The following CD48 variants were observed in gnomAD, a reference collection of about 807,000 sequenced individuals.
The protein encoded by CD48 is CD48 molecule.
A neutral mutation model predicts 22.0 loss-of-function variants in CD48; 20 were observed. The ratio of observed to expected loss-of-function variants is 0.91; its 90% CI spans 0.64 to 1.32. CD48 has a LOEUF of 1.32. CD48 is among the 40% of genes most tolerant of loss of function. The probability of loss-of-function intolerance (pLI) is 0.00; values close to 1 mark genes in which losing one functional copy is unlikely to be tolerated. For missense variants in CD48, 307 were observed against 286.5 expected (o/e 1.07, Z -0.52); for synonymous variants, 110 against 110.1 (o/e 1.00, Z 0.01).
At chr1:160,709,564 G>C (rs1187030976) in intron 1 of CD48, among the ~76,000 whole-genome samples, 2 of 152,122 alleles carry the variant, frequency 1.3e-5, no homozygotes, top group East Asian at 3.8e-4. Context: ...GGACAGATGG[G>C]GAATTGGGTA....
chr1:160,678,993 A>G lies in CD48; in HGVS notation c.*59T>C. On this transcript the variant is annotated 3_prime_UTR_variant, in exon 4 of 4. Transcript: ENST00000368046. ...AGTCTCTGTCCTGGTGAGGAGCATG[A>G]TCACCAACAGGCAAGATCTTCTGGC... 2 of 1,262,734 alleles carry G rather than the reference A, an allele frequency of 1.6e-6. No individual in the cohort carries two copies. The highest frequency in any genetic ancestry group is 2.3e-6 in the Non-Finnish European group (2 of 859,544). 78.2% of individuals were successfully genotyped at this position (1,262,734 alleles called of 1,614,324 possible).
chr1:160,696,310 G>A (rs1452239837), intron 1 of CD48, among the ~76,000 whole-genome samples: 1 of 152,302 alleles, frequency 6.6e-6, no homozygotes, highest in African/African-American at 2.4e-5. Context: ...TGTTGAGACA[G>A]CTCTAATTAA....
intron 1 of CD48, among the ~76,000 whole-genome samples, chr1:160,711,011 G>A (rs1390279182): frequency 6.6e-6 from 1 of 152,178 alleles, no homozygotes; most frequent in Non-Finnish European, 1.5e-5. Flanking sequence ...AGAGGGTGAG[G>A]CAGCTCTAAC....
intron 2 of CD48, chr1:160,684,455 G>T: frequency 1.8e-5 from 6 of 327,070 alleles, no homozygotes; most frequent in African/African-American, 4.3e-5. Context: ...AAGTTTTTTT[G>T]TCCTGCCCAT....
At chr1:160,691,450 G>A (rs1429925557) in intron 1 of CD48, among the ~76,000 whole-genome samples, 1 of 152,198 alleles carries the variant, frequency 6.6e-6, no homozygotes, top group African/African-American at 2.4e-5. Context: ...TAAAAGCACA[G>A]CATTTAATCC....
chr1:160,680,996 C>A (rs1661773034), intron 3 of CD48: 4 of 1,349,300 alleles, frequency 3.0e-6, no homozygotes, highest in African/African-American at 5.1e-5. Flanking sequence ...CAGGTGAGAA[C>A]ACTGAGCCCC....
intron 1 of CD48, among the ~76,000 whole-genome samples, chr1:160,696,199 C>G (rs1245181422): frequency 1.3e-5 from 2 of 152,310 alleles, no homozygotes; most frequent in Non-Finnish European, 2.9e-5. Context: ...TCAATCGGCT[C>G]AAAGAGCAGA....
chr1:160,684,881 A>C lies in CD48; in HGVS notation c.385+6T>G. On this transcript the variant is annotated splice_donor_region_variant and intron_variant, in intron 2 of 3. Coordinates refer to ENST00000368046, the MANE Select transcript of CD48 (RefSeq NM_001778.4). ...GGGGATTTGCTCTTTGGCTCCCCTG[A>C]CTCACCAAGCACTTGCAGCTTGATC... The C allele has an allele frequency of 1.2e-6, 2 of 1,613,880 alleles. 1 individual carries two copies. Among genetic ancestry groups the C allele is most frequent in the South Asian group, 2.2e-5 (2 of 91,056 alleles).
intron 1 of CD48, among the ~76,000 whole-genome samples, chr1:160,701,965 C>T (rs1334972583): frequency 6.6e-6 from 1 of 152,098 alleles, no homozygotes; most frequent in Non-Finnish European, 1.5e-5. Context: ...GCCTTTTCAC[C>T]GCCGGAGCCT....
intron 1 of CD48, among the ~76,000 whole-genome samples, chr1:160,685,913 A>G (rs1315043020): frequency 6.6e-6 from 1 of 152,214 alleles, no homozygotes; most frequent in Admixed American, 6.5e-5. Flanking sequence ...GAGAAATATG[A>G]TTGGACAAAA....
intron 3 of CD48, 128 bp downstream of exon 3, chr1:160,681,074 T>A (rs1200710069): frequency 2.0e-6 from 3 of 1,536,172 alleles, no homozygotes; most frequent in South Asian, 2.4e-5. Flanking sequence ...GTCTCCCAGC[T>A]CTCCCAGACA....
chr1:160,690,172 C>A (rs1016219859), intron 1 of CD48, among the ~76,000 whole-genome samples: 1 of 152,098 alleles, frequency 6.6e-6, no homozygotes, highest in Non-Finnish European at 1.5e-5. Flanking sequence ...GAATCAAAAG[C>A]CTTACTAACA....
chr1:160,710,640 C>G (rs1014391140), intron 1 of CD48, among the ~76,000 whole-genome samples: 13 of 152,184 alleles, frequency 8.5e-5, no homozygotes, highest in African/African-American at 3.1e-4. Context: ...TACTTCACAT[C>G]AGCCCCCAAT....
intron 1 of CD48, among the ~76,000 whole-genome samples, chr1:160,696,712 A>AT (rs1256063355): frequency 1.8e-5 from 1 of 54,834 alleles, no homozygotes; most frequent in African/African-American, 5.2e-5. Context: ...AGATTATCAT[A>AT]TGTCATGTAA....
intron 1 of CD48, among the ~76,000 whole-genome samples, chr1:160,694,189 TG>T (rs1662326699): frequency 6.6e-6 from 1 of 152,250 alleles, no homozygotes; most frequent in African/African-American, 2.4e-5. Flanking sequence ...GAGACAGGAT[TG>T]CTCGATTATT....
chr1:160,698,525 T>C lies in CD48; in HGVS notation c.82+13157A>G, dbSNP rs563633903. Among the ~76,000 whole-genome samples the C allele has an allele frequency of 6.6e-5, 10 of 152,266 alleles. No individual in the cohort carries two copies. In the South Asian group the frequency reaches 2.1e-3, roughly 32 times the overall value. ...TTATTGGCAAAAGAATTCTACAAGA[T>C]TGTGGAATTCACAATCTAGTATTGA... is the stretch of plus-strand genomic sequence containing the variant. On this transcript the variant is annotated intron_variant, in intron 1 of 3. Coordinates refer to ENST00000368046, the MANE Select transcript of CD48 (RefSeq NM_001778.4).
Position 160,690,230 on chromosome 1 carries a change from T to C in CD48, c.83-5041A>G, listed in dbSNP as rs529747354. On this transcript the variant is annotated intron_variant, in intron 1 of 3. Coordinates refer to ENST00000368046, the MANE Select transcript of CD48 (RefSeq NM_001778.4). ...TTATTTGATATGGAAGCCCCATAAC[T>C]GCAAAGCAAGAATACAGATGTTTTT... is the stretch of plus-strand genomic sequence containing the variant. Among the ~76,000 whole-genome samples, 4 of 152,302 alleles carry C rather than the reference T, an allele frequency of 2.6e-5. No homozygotes were observed. The East Asian group carries it at 7.7e-4, about 29-fold the overall frequency.
At chr1:160,682,296 GAAAGA>G (rs913729779) in intron 2 of CD48, among the ~76,000 whole-genome samples, 14 of 144,192 alleles carry the variant, frequency 9.7e-5, no homozygotes, top group Non-Finnish European at 1.8e-4. Flanking sequence ...AAAAAAAAAA[GAAAGA>G]AAAGAAAAGA....
rs1342111173 is a variant in CD48 at position 160,681,214 on chromosome 1, G to A, written c.640C>T (p.Pro214Ser). Reference sequence around the variant, plus strand: ...GGATCCTTCTTACCCAGGGTACAGGGTGGACTGAGGCAGACCGTGCCATTC... The same window carrying A: ...GGATCCTTCTTACCCAGGGTACAGGATGGACTGAGGCAGACCGTGCCATTC... ...SKNGTVCLSP[P>S]CTLARSFGVE... is the part of the protein sequence containing the mutation. The change falls in exon 3 of 4, where the codon CCC (proline) becomes TCC (serine). Residue 214 changes from proline to serine, a missense_variant. By Grantham distance (74) the Pro-to-Ser change is moderately conservative. Coordinates refer to ENST00000368046, the MANE Select transcript of CD48 (RefSeq NM_001778.4). The A allele has an allele frequency of 6.2e-7, 1 of 1,614,164 alleles. No individual in the cohort carries two copies. Among genetic ancestry groups the A allele is most frequent in the Non-Finnish European group, 8.5e-7 (1 of 1,180,016 alleles).
Sources: allele counts gnomAD v4.1 joint callset (sites outside exome capture counted in the v4.1 genomes callset), GRCh38; gene constraint gnomAD v4.1.1; transcripts MANE v1.5; gene names NCBI Gene and HGNC (gene_info 2026-07-23, HGNC 2026-07-21).